Variants in FRMPD4 observed in about 807,000 individuals in gnomAD.
The protein encoded by FRMPD4 is FERM and PDZ domain-containing protein 4.
FRMPD4 carries 22 observed loss-of-function variants against 94.1 expected under a neutral mutation model. The ratio of observed to expected loss-of-function variants is 0.23; its 90% CI spans 0.17 to 0.33. The LOEUF (loss-of-function observed/expected upper bound fraction) is 0.33, where lower values mean the gene tolerates loss of function less well. FRMPD4 is among the 10% of genes least tolerant of loss of function. The pLI is 1.00. For synonymous variants in FRMPD4, 631 were observed against 548.6 expected, an observed-to-expected ratio of 1.15 and a Z score of -2.10; for missense variants, 1,111 against 1,339.9, an observed-to-expected ratio of 0.83 and a Z score of 2.67.
chrX:11,973,893 T>A (rs2054353750), intron 3 of FRMPD4, among the ~76,000 whole-genome samples: 2 of 111,199 alleles, frequency 1.8e-5, no homozygotes, highest in African/African-American at 6.5e-5. Flanking sequence ...TTGGCAATGA[T>A]TGAAGGTTGT....
chrX:11,825,606 G>C (rs1312919011), intron 1 of FRMPD4, among the ~76,000 whole-genome samples: 1 of 110,915 alleles, frequency 9.0e-6, no homozygotes, highest in Non-Finnish European at 1.9e-5. Flanking sequence ...TGATAGTGGT[G>C]GTTACACAAA....
intron 1 of FRMPD4, among the ~76,000 whole-genome samples, chrX:12,417,993 C>CAAAA (rs757060426): frequency 2.9e-4 from 10 of 33,951 alleles, no homozygotes; most frequent in African/African-American, 5.6e-4. Flanking sequence ...GACTCTGTCT[C>CAAAA]AAAAAAAAAA....
intron 1 of FRMPD4, among the ~76,000 whole-genome samples, chrX:12,453,318 T>A (rs896839676): frequency 9.0e-6 from 1 of 111,693 alleles, no homozygotes; most frequent in Non-Finnish European, 1.9e-5. Flanking sequence ...GTCTTAATAC[T>A]GGAATGGTTA....
chrX:12,191,303 A>G (rs2056488678), intron 1 of FRMPD4, among the ~76,000 whole-genome samples: 1 of 112,242 alleles, frequency 8.9e-6, no homozygotes, highest in Non-Finnish European at 1.9e-5. Context: ...GTGGGAATGC[A>G]GAATGATACA....
At chrX:12,647,005 C>T (rs979870679) in intron 4 of FRMPD4, among the ~76,000 whole-genome samples, 7 of 111,872 alleles carry the variant, frequency 6.3e-5, no homozygotes, top group East Asian at 2.8e-4. Flanking sequence ...TCCAGGATAA[C>T]GTTATACATA....
At chrX:12,445,031 C>G (rs1173636327) in intron 1 of FRMPD4, among the ~76,000 whole-genome samples, 2 of 112,113 alleles carry the variant, frequency 1.8e-5, no homozygotes, top group African/African-American at 6.5e-5. Context: ...CCTTTGGGAG[C>G]TCTCTCATTA....
chrX:12,354,186 A>G (rs1462990174), intron 1 of FRMPD4, among the ~76,000 whole-genome samples: 1 of 112,571 alleles, frequency 8.9e-6, no homozygotes, highest in African/African-American at 3.2e-5. Flanking sequence ...CTGTTGGGAA[A>G]TAATTTGTCT....
At chrX:11,839,300 G>C (rs1364660090) in intron 1 of FRMPD4, among the ~76,000 whole-genome samples, 1 of 111,857 alleles carries the variant, frequency 8.9e-6, no homozygotes, top group Admixed American at 9.5e-5. Flanking sequence ...ATTCTAGTGT[G>C]TGTGTCATGG....
At chrX:12,355,479 C>T (rs2055882133) in intron 1 of FRMPD4, among the ~76,000 whole-genome samples, 1 of 112,297 alleles carries the variant, frequency 8.9e-6, no homozygotes, top group Admixed American at 9.4e-5. Context: ...TGTGCCTGGC[C>T]AAGATATGAC....
chrX:12,572,715 T>C (rs1308083583), intron 2 of FRMPD4, among the ~76,000 whole-genome samples: 1 of 111,535 alleles, frequency 9.0e-6, no homozygotes, highest in African/African-American at 3.3e-5. Flanking sequence ...GACAGATTAA[T>C]AGGAGAAAAA....
At chrX:12,339,317 G>GT (rs1314894327) in intron 1 of FRMPD4, among the ~76,000 whole-genome samples, 1 of 112,095 alleles carries the variant, frequency 8.9e-6, no homozygotes, top group African/African-American at 3.2e-5. Flanking sequence ...ATGAACCATA[G>GT]TTTGAATACA....
intron 2 of FRMPD4, among the ~76,000 whole-genome samples, chrX:12,553,456 ATATATATATATC>A (rs1395762692): frequency 6.7e-5 from 4 of 60,097 alleles, no homozygotes; most frequent in Non-Finnish European, 1.4e-4. Flanking sequence ...ATATATATAT[ATATATATATATC>A]TAATCCACTA....
At chrX:12,438,560 A>G (rs2057096645) in intron 1 of FRMPD4, among the ~76,000 whole-genome samples, 1 of 111,062 alleles carries the variant, frequency 9.0e-6, no homozygotes, top group Non-Finnish European at 1.9e-5. Flanking sequence ...TTTTAGAGAG[A>G]AGGAAGCTTC....
chrX:12,454,823 T>TC (rs2057315566), intron 1 of FRMPD4, among the ~76,000 whole-genome samples: 1 of 107,334 alleles, frequency 9.3e-6, no homozygotes, highest in Non-Finnish European at 1.9e-5. Flanking sequence ...ACGTTTTTTT[T>TC]TTTTTTTTAA....
chrX:11,891,105 C>T (rs1218306379), intron 3 of FRMPD4, among the ~76,000 whole-genome samples: 2 of 112,702 alleles, frequency 1.8e-5, no homozygotes, highest in African/African-American at 3.2e-5. Context: ...CTTTTAGACA[C>T]GTCTTCCTGC....
intron 1 of FRMPD4, among the ~76,000 whole-genome samples, chrX:12,242,404 T>A (rs1221689868): frequency 8.9e-6 from 1 of 112,185 alleles, no homozygotes; most frequent in African/African-American, 3.2e-5. Context: ...TACTTTATTT[T>A]AAACAGGAAG....
At chrX:12,661,866 G>A (rs1020593164) in intron 4 of FRMPD4, among the ~76,000 whole-genome samples, 3 of 111,826 alleles carry the variant, frequency 2.7e-5, no homozygotes, top group Middle Eastern at 4.2e-3. Flanking sequence ...GTCCTGTGGC[G>A]ACTTTTCTGA....
In FRMPD4 at chrX:11,854,411, C is replaced by A. The variant is rs2053642561; in HGVS notation, c.-160-10675C>A. Among the ~76,000 whole-genome samples the A allele has an allele frequency of 7.1e-5, 8 of 111,922 alleles. No homozygotes were observed. The South Asian group carries it at 3.0e-3, about 42-fold the overall frequency. ...CCAACAGTCTTCCAAAGTCTTAACT[C>A]ATTCCAGCATTAACTCAAAAGTCCA... On this transcript the variant is annotated intron_variant, in intron 1 of 18. Transcript: ENST00000640291.
intron 2 of FRMPD4, among the ~76,000 whole-genome samples, chrX:12,560,017 T>G (rs1368015357): frequency 4.8e-5 from 2 of 41,470 alleles, no homozygotes; most frequent in African/African-American, 4.4e-4. Flanking sequence ...TTTATTGAGT[T>G]CGGGAAGTGA....
Sources: allele counts gnomAD v4.1 joint callset (sites outside exome capture counted in the v4.1 genomes callset), GRCh38; gene constraint gnomAD v4.1.1; transcripts MANE v1.5; gene names NCBI Gene and HGNC (gene_info 2026-07-23, HGNC 2026-07-21).